Variants in SPPL3 observed in about 807,000 individuals in gnomAD.
SPPL3 encodes signal peptide peptidase-like 3.
In SPPL3, 5 loss-of-function variants were observed where a neutral mutation model predicts 42.4. That is an observed-to-expected ratio of 0.12 (90% CI 0.06 to 0.25). The LOEUF is 0.25. SPPL3 is among the 10% of genes least tolerant of loss of function. The pLI is 1.00. For synonymous variants in SPPL3, 195 were observed against 181.8 expected (o/e 1.07, Z -0.58); for missense variants, 235 against 489.0 (o/e 0.48, Z 4.90).
At chr12:120,861,057 A>G (rs558054064) in intron 1 of SPPL3, among the ~76,000 whole-genome samples, 36 of 152,354 alleles carry the variant, frequency 2.4e-4, no homozygotes, top group African/African-American at 7.2e-4. Flanking sequence ...TAGTACAATG[A>G]AAACGCTATA....
chr12:120,819,875 C>T (rs535479401), intron 1 of SPPL3, among the ~76,000 whole-genome samples: 4 of 152,240 alleles, frequency 2.6e-5, no homozygotes, highest in African/African-American at 4.8e-5. Context: ...TTACCAGGAC[C>T]GCCTGGTGCC....
chr12:120,884,736 C>A (rs1410869933), intron 1 of SPPL3, among the ~76,000 whole-genome samples: 1 of 149,884 alleles, frequency 6.7e-6, no homozygotes, highest in African/African-American at 2.4e-5. Flanking sequence ...TTTCATAATT[C>A]CTTATCTGAC....
chr12:120,807,574 T>G (rs912594537), intron 2 of SPPL3, among the ~76,000 whole-genome samples: 3 of 151,292 alleles, frequency 2.0e-5, no homozygotes, highest in African/African-American at 7.3e-5. Context: ...CTCGGGAGGC[T>G]GAGGCAGGAG....
At chr12:120,900,919 C>T (rs1289399765) in intron 1 of SPPL3, among the ~76,000 whole-genome samples, 7 of 103,752 alleles carry the variant, frequency 6.7e-5, no homozygotes, top group Admixed American at 2.9e-4. Flanking sequence ...GAGACCCTGT[C>T]TCACAAAAAA....
chr12:120,808,950 C>T (rs1307070149), intron 2 of SPPL3, among the ~76,000 whole-genome samples: 1 of 152,126 alleles, frequency 6.6e-6, no homozygotes, highest in African/African-American at 2.4e-5. Flanking sequence ...GGTAGAGATG[C>T]AAAATATCAA....
chr12:120,876,624 A>AAAAAAAAAAAAG (rs1873100595), intron 1 of SPPL3, among the ~76,000 whole-genome samples: 2 of 143,778 alleles, frequency 1.4e-5, no homozygotes, highest in African/African-American at 2.8e-5. Flanking sequence ...CTCAAAAAAA[A>AAAAAAAAAAAAG]AAAAAAAAAA....
Position 120,764,144 on chromosome 12 carries a change from A to G in SPPL3, c.*855T>C, listed in dbSNP as rs1004899648. 1.3e-5 allele frequency: 2 copies of G among 152,316 alleles called. No individual in the cohort carries two copies. Among genetic ancestry groups the G allele is most frequent in the African/African-American group, 4.8e-5 (2 of 41,414 alleles). 9.4% of individuals were successfully genotyped at this position (152,316 alleles called of 1,614,324 possible). ...CATCAATCAGCACAAATGCTATACTAGTTTGTAACTGCGGGGTCAGTTGTG... is the reference window on the plus strand; with the variant it reads ...CATCAATCAGCACAAATGCTATACTGGTTTGTAACTGCGGGGTCAGTTGTG... On this transcript the variant is annotated 3_prime_UTR_variant, in exon 11 of 11. Coordinates refer to ENST00000353487, the MANE Select transcript of SPPL3 (RefSeq NM_139015.5).
At chr12:120,838,151 T>C (rs1871683245) in intron 1 of SPPL3, among the ~76,000 whole-genome samples, 1 of 152,118 alleles carries the variant, frequency 6.6e-6, no homozygotes. Flanking sequence ...CAAGGAAGAA[T>C]AAAAGGACAT....
chr12:120,863,726 C>T (rs1249886620), intron 1 of SPPL3, among the ~76,000 whole-genome samples: 1 of 151,170 alleles, frequency 6.6e-6, no homozygotes, highest in Non-Finnish European at 1.5e-5. Flanking sequence ...ACTGTAGCCT[C>T]GAACTCCTGG....
chr12:120,880,810 A>T (rs1233689390), intron 1 of SPPL3, among the ~76,000 whole-genome samples: 1 of 151,990 alleles, frequency 6.6e-6, no homozygotes, highest in Non-Finnish European at 1.5e-5. Context: ...ATTATTTGCA[A>T]ATCATATAAC....
At chr12:120,895,217 C>G (rs1593015925) in intron 1 of SPPL3, among the ~76,000 whole-genome samples, 2 of 152,138 alleles carry the variant, frequency 1.3e-5, no homozygotes, top group Non-Finnish European at 2.9e-5. Context: ...CACCTGAGAT[C>G]AGGAGTTGGA....
At position 120,846,993 on chromosome 12, in the gene SPPL3, C is replaced by A. The variant is rs190724581; in HGVS notation, c.24-36107G>T. Among the ~76,000 whole-genome samples, 158 of 152,260 alleles carry A rather than the reference C, an allele frequency of 1.0e-3. 1 individual carries two copies. The highest frequency in any genetic ancestry group is 1.8e-3 in the Non-Finnish European group (121 of 68,032). ...TAATTAAGTAGTATGTTTATTATAACTAAATCTCAATAGACTTTTCTAAGA... is the reference window on the plus strand; with the variant it reads ...TAATTAAGTAGTATGTTTATTATAAATAAATCTCAATAGACTTTTCTAAGA... On this transcript the variant is annotated intron_variant, in intron 1 of 10. Coordinates refer to ENST00000353487, the MANE Select transcript of SPPL3 (RefSeq NM_139015.5).
At chr12:120,819,120 G>C (rs972139699) in intron 1 of SPPL3, among the ~76,000 whole-genome samples, 10 of 152,290 alleles carry the variant, frequency 6.6e-5, no homozygotes, top group Admixed American at 5.2e-4. Flanking sequence ...AGCCTTTTCA[G>C]ATAACTATCA....
intron 1 of SPPL3, among the ~76,000 whole-genome samples, chr12:120,859,650 T>C (rs1210562928): frequency 6.6e-6 from 1 of 152,076 alleles, no homozygotes; most frequent in Non-Finnish European, 1.5e-5. Context: ...ACAGAAAACA[T>C]ACAGACTCAA....
At chr12:120,826,269 G>C (rs1281472571) in intron 1 of SPPL3, among the ~76,000 whole-genome samples, 2 of 143,014 alleles carry the variant, frequency 1.4e-5, no homozygotes, top group Non-Finnish European at 3.0e-5. Flanking sequence ...CTCCAGCCTG[G>C]GCAACAAGAT....
At chr12:120,885,766 CA>C (rs1475202786) in intron 1 of SPPL3, among the ~76,000 whole-genome samples, 4 of 151,014 alleles carry the variant, frequency 2.6e-5, no homozygotes, top group African/African-American at 9.7e-5. Context: ...GGTAGAGATT[CA>C]GTGTACAGTA....
intron 1 of SPPL3, among the ~76,000 whole-genome samples, chr12:120,826,919 A>G (rs1871246156): frequency 1.3e-5 from 2 of 152,154 alleles, no homozygotes; most frequent in South Asian, 2.1e-4. Flanking sequence ...CAAAATTGAG[A>G]CATTCATAAA....
intron 3 of SPPL3, among the ~76,000 whole-genome samples, chr12:120,785,071 A>G (rs1869671368): frequency 6.6e-6 from 1 of 152,142 alleles, no homozygotes; most frequent in Admixed American, 6.5e-5. Context: ...ATGGGGGAGA[A>G]GGAGGACAAC....
intron 1 of SPPL3, among the ~76,000 whole-genome samples, chr12:120,881,834 C>T (rs941308060): frequency 2.0e-5 from 3 of 151,518 alleles, no homozygotes; most frequent in Non-Finnish European, 4.4e-5. Flanking sequence ...TGTTAGATTC[C>T]ATTTATATGA....
Sources: allele counts gnomAD v4.1 joint callset (sites outside exome capture counted in the v4.1 genomes callset), GRCh38; gene constraint gnomAD v4.1.1; transcripts MANE v1.5; gene names NCBI Gene and HGNC (gene_info 2026-07-23, HGNC 2026-07-21).